AGMO: variants seen among roughly 807,000 people sequenced by gnomAD.
The protein encoded by AGMO is glyceryl-ether monooxygenase.
A neutral mutation model predicts 60.2 loss-of-function variants in AGMO; 75 were observed. That is an observed-to-expected ratio of 1.25 (90% CI 1.03 to 1.51). The LOEUF is 1.51. Ranked by LOEUF, AGMO falls within the 40% of genes most tolerant of loss-of-function variation. The probability of loss-of-function intolerance (pLI) is 0.00; values close to 1 mark genes in which losing one functional copy is unlikely to be tolerated. For missense variants in AGMO, 763 were observed against 525.5 expected, an observed-to-expected ratio of 1.45 and a Z score of -4.42; for synonymous variants, 261 against 177.1, an observed-to-expected ratio of 1.47 and a Z score of -3.76.
intron 5 of AGMO, among the ~76,000 whole-genome samples, chr7:15,401,371 A>G (rs956377958): frequency 6.6e-6 from 1 of 152,136 alleles, no homozygotes; most frequent in African/African-American, 2.4e-5. Flanking sequence ...GGTTAAAAGT[A>G]GAGATGCAAT....
At chr7:15,333,576 T>A (rs1411176021) in intron 12 of AGMO, among the ~76,000 whole-genome samples, 3 of 146,118 alleles carry the variant, frequency 2.1e-5, no homozygotes, top group Admixed American at 1.4e-4. Flanking sequence ...TACTTGATAC[T>A]CTCTATAGAG....
intron 3 of AGMO, among the ~76,000 whole-genome samples, chr7:15,506,187 C>T (rs186185525): frequency 1.6e-4 from 24 of 152,166 alleles, no homozygotes; most frequent in African/African-American, 5.5e-4. Flanking sequence ...TCCAAAGATA[C>T]ACTGAGTAAA....
rs529583415 is a variant in AGMO at position 15,470,580 on chromosome 7, T to C, written c.410-39472A>G. Among the ~76,000 whole-genome samples, 9 of 152,108 alleles carry C rather than the reference T, an allele frequency of 5.9e-5. 1 individual carries two copies. In the South Asian group the frequency reaches 1.7e-3, roughly 28 times the overall value. On this transcript the variant is annotated intron_variant, in intron 3 of 12. Transcript: ENST00000342526. ...TAAATTAAATATGGAAAATCCAGTATTGACTTATGTTATCTAAGTGGATCT... is the reference window on the plus strand; with the variant it reads ...TAAATTAAATATGGAAAATCCAGTACTGACTTATGTTATCTAAGTGGATCT...
intron 12 of AGMO, among the ~76,000 whole-genome samples, chr7:15,288,469 T>A (rs1784163451): frequency 6.6e-6 from 1 of 152,204 alleles, no homozygotes; most frequent in Non-Finnish European, 1.5e-5. Context: ...TAAAAATGAA[T>A]CTTTTATTTT....
Position 15,561,870 on chromosome 7 carries a change from T to A in AGMO, c.-25A>T, listed in dbSNP as rs1226220209. The A allele has an allele frequency of 6.3e-7, 1 of 1,582,984 alleles. No homozygotes were observed. The highest frequency in any genetic ancestry group is 1.4e-5 in the African/African-American group (1 of 73,408). ...TTTCTGCCCTTGTCTGATTCCCAGC[T>A]GGAGAATATTTAGGATTCAATGCTT... On this transcript the variant is annotated 5_prime_UTR_variant, in exon 1 of 13. Transcript: ENST00000342526.
intron 12 of AGMO, among the ~76,000 whole-genome samples, chr7:15,361,627 AAGAG>A (rs201695068): frequency 0.01 from 1,574 of 151,946 alleles, 36 homozygotes; most frequent in African/African-American, 0.036. Flanking sequence ...AAAAAAAAGA[AAGAG>A]AGAGAGAAAG....
intron 10 of AGMO, among the ~76,000 whole-genome samples, chr7:15,376,779 C>T (rs1783472159): frequency 6.6e-6 from 1 of 151,986 alleles, no homozygotes; most frequent in Non-Finnish European, 1.5e-5. Context: ...ACACTGGCAG[C>T]TGAGGAATTG....
chr7:15,448,843 T>A (rs1376791903), intron 3 of AGMO, among the ~76,000 whole-genome samples: 1 of 152,152 alleles, frequency 6.6e-6, no homozygotes, highest in African/African-American at 2.4e-5. Flanking sequence ...AAAATTAAAA[T>A]GTGTAGAGAT....
chr7:15,306,257 T>G, intron 12 of AGMO: 1 of 239,030 alleles, frequency 4.2e-6, no homozygotes, highest in Non-Finnish European at 8.4e-6. Context: ...TGAAGGTCTT[T>G]TTTTATTTCA....
intron 3 of AGMO, among the ~76,000 whole-genome samples, chr7:15,525,715 C>T (rs1180433080): frequency 1.3e-5 from 2 of 152,078 alleles, no homozygotes; most frequent in African/African-American, 2.4e-5. Flanking sequence ...GGGTAGCCGC[C>T]CCACTTGATG....
the AGMO span, among the ~76,000 whole-genome samples, chr7:15,142,068 C>G: frequency 6.6e-6 from 1 of 152,162 alleles, no homozygotes; most frequent in African/African-American, 2.4e-5. Context: ...TAATACTATA[C>G]AGTGGGTTTC....
In AGMO at chr7:15,227,688, C is replaced by A. The variant is rs180837199; in HGVS notation, c.1264-26329G>T. 4.6e-5 allele frequency among the ~76,000 whole-genome samples: 7 copies of A among 152,186 alleles called. No homozygotes were observed. In the East Asian group the frequency reaches 7.7e-4, roughly 17 times the overall value. On this transcript the variant is annotated intron_variant, in intron 12 of 12. Coordinates refer to ENST00000342526, the MANE Select transcript of AGMO (RefSeq NM_001004320.2). ...CACGGTAACGCCTCCTGAATTTACA[C>A]GTATCATCCATGAGGTAGCATGAAC...
intron 12 of AGMO, among the ~76,000 whole-genome samples, chr7:15,317,896 TAC>T (rs199960508): frequency 1.1e-3 from 157 of 147,354 alleles, no homozygotes; most frequent in African/African-American, 2.9e-3. Flanking sequence ...CGTATATATA[TAC>T]ACACACACGT....
intron 8 of AGMO, 63 bp downstream of exon 8, chr7:15,390,608 C>G (rs563763729): frequency 4.6e-6 from 6 of 1,303,364 alleles, no homozygotes; most frequent in Middle Eastern, 2.0e-4. Flanking sequence ...GCTGATTTTT[C>G]TCTTAACTAT....
At chr7:15,367,277 CATT>C (rs1376242567) in intron 10 of AGMO, among the ~76,000 whole-genome samples, 6 of 151,678 alleles carry the variant, frequency 4.0e-5, no homozygotes, top group Non-Finnish European at 7.4e-5. Flanking sequence ...TCTTTTGAAT[CATT>C]GTAACAAAAC....
At chr7:15,515,521 G>C (rs991977217) in intron 3 of AGMO, among the ~76,000 whole-genome samples, 6 of 152,086 alleles carry the variant, frequency 3.9e-5, no homozygotes, top group African/African-American at 1.4e-4. Context: ...GTACGTTTTG[G>C]CTTTTAAAAA....
intron 2 of AGMO, among the ~76,000 whole-genome samples, chr7:15,559,243 A>G (rs2115315762): frequency 6.6e-6 from 1 of 152,180 alleles, no homozygotes; most frequent in East Asian, 1.9e-4. Flanking sequence ...AGGAGCTAAA[A>G]CTATTAAGAA....
chr7:15,482,213 G>A lies in AGMO; in HGVS notation c.410-51105C>T, dbSNP rs1258422890. Among the ~76,000 whole-genome samples, 5 of 151,850 alleles carry A rather than the reference G, an allele frequency of 3.3e-5. No homozygotes were observed. The East Asian group carries it at 9.7e-4, about 29-fold the overall frequency. ...GAAACAAATGTGTGGTACTCAACCA[G>A]ACCAAAAGATGGTTTTCTGAAAGGT... On this transcript the variant is annotated intron_variant, in intron 3 of 12. Coordinates refer to ENST00000342526, the MANE Select transcript of AGMO (RefSeq NM_001004320.2).
intron 3 of AGMO, among the ~76,000 whole-genome samples, chr7:15,540,179 C>T (rs1008859142): frequency 6.6e-6 from 1 of 152,148 alleles, no homozygotes; most frequent in Admixed American, 6.5e-5. Flanking sequence ...AGAAGAGTCC[C>T]ACACATGTAC....
Sources: gnomAD v4.1 joint callset for allele counts (sites outside exome capture counted in the v4.1 genomes callset) on GRCh38, gnomAD v4.1.1 for gene constraint, MANE v1.5 for transcripts, NCBI Gene and HGNC (gene_info 2026-07-23, HGNC 2026-07-21) for gene names.